The following WDTC1 variants were observed in gnomAD, a reference collection of about 807,000 sequenced individuals.
WDTC1 encodes the protein WD and tetratricopeptide repeats protein 1.
WDTC1 carries 12 observed loss-of-function variants against 76.0 expected under a neutral mutation model. The ratio of observed to expected loss-of-function variants is 0.16; its 90% CI spans 0.10 to 0.26. The LOEUF is 0.26. Among genes scored for constraint, WDTC1 ranks in the 10% least tolerant of loss-of-function variants. WDTC1 has a pLI of 1.00. For synonymous variants in WDTC1, 326 were observed against 350.8 expected, an observed-to-expected ratio of 0.93 and a Z score of 0.79; for missense variants, 511 against 908.8, an observed-to-expected ratio of 0.56 and a Z score of 5.63.
chr1:27,305,712 A>C lies in WDTC1; in HGVS notation c.1837-474A>C, dbSNP rs1370264770. Among the ~76,000 whole-genome samples, 1 of 151,982 alleles carries C rather than the reference A, an allele frequency of 6.6e-6. No homozygotes were observed. Among genetic ancestry groups the C allele is most frequent in the Non-Finnish European group, 1.5e-5 (1 of 67,976 alleles). On this transcript the variant is annotated intron_variant, in intron 15 of 15. Coordinates refer to ENST00000319394, the MANE Select transcript of WDTC1 (RefSeq NM_001276252.2). The surrounding 1 kb of genome is among the most constrained non-coding windows in gnomAD (Gnocchi z 4.6). The stretch of plus-strand genomic sequence containing the variant: ...TGCTTCCCTCTTCCCAGCTGGCAAA[A>C]CAAAAGTCAAGTGGTATGTCTGATT...
chr1:27,247,246 G>A (rs764180102), intron 1 of WDTC1, among the ~76,000 whole-genome samples: 12 of 151,776 alleles, frequency 7.9e-5, no homozygotes, highest in Non-Finnish European at 1.5e-4. Context: ...TAGTAGAGAC[G>A]AGGTTTTACC....
Position 27,301,192 on chromosome 1 carries a change from T to C in WDTC1, c.1233-34T>C, listed in dbSNP as rs2013824166. 3 of 1,602,956 alleles carry C rather than the reference T, an allele frequency of 1.9e-6. No individual in the cohort carries two copies. Among genetic ancestry groups the C allele is most frequent in the South Asian group, 2.2e-5 (2 of 90,824 alleles). On this transcript the variant is annotated intron_variant, in intron 12 of 15. Coordinates refer to ENST00000319394, the MANE Select transcript of WDTC1 (RefSeq NM_001276252.2). The surrounding 1 kb of genome is among the most constrained non-coding windows in gnomAD (Gnocchi z 5.8). ...GGGGACCCCTTGCTTGCCACGTGGC[T>C]CCACCTCCAAGCCGCTCTTCCCTGC...
intron 6 of WDTC1, among the ~76,000 whole-genome samples, chr1:27,291,592 G>T (rs372295658): frequency 1.3e-5 from 2 of 152,150 alleles, no homozygotes; most frequent in African/African-American, 4.8e-5. Flanking sequence ...GTTTGCTGCT[G>T]TTTGGTAGAC....
At chr1:27,257,064 A>G (rs780424882) in intron 1 of WDTC1, among the ~76,000 whole-genome samples, 8 of 151,952 alleles carry the variant, frequency 5.3e-5, no homozygotes, top group African/African-American at 1.5e-4. Context: ...GGGTTTCACC[A>G]TGTTAGCCAG....
chr1:27,276,425 G>A (rs1570964918), intron 3 of WDTC1, among the ~76,000 whole-genome samples: 1 of 152,210 alleles, frequency 6.6e-6, no homozygotes, highest in Admixed American at 6.5e-5. Flanking sequence ...GCCAGGCGCG[G>A]TGACTTATGC....
intron 5 of WDTC1, 23 bp downstream of exon 5, chr1:27,283,472 C>T: frequency 6.2e-7 from 1 of 1,606,236 alleles, no homozygotes; most frequent in Non-Finnish European, 8.5e-7. Context: ...AGCCACAGAG[C>T]AAGCACAAGC....
intron 1 of WDTC1, 138 bp from the exon 2 acceptor site, chr1:27,260,818 T>C (rs1331448968): frequency 8.7e-6 from 5 of 571,668 alleles, no homozygotes; most frequent in Non-Finnish European, 1.2e-5. Context: ...TTCAACACTA[T>C]GGAGCAGGGC....
intron 1 of WDTC1, among the ~76,000 whole-genome samples, chr1:27,237,099 G>A (rs2011505949): frequency 6.6e-6 from 1 of 152,122 alleles, no homozygotes; most frequent in South Asian, 2.1e-4. Flanking sequence ...GCCTCCCAGA[G>A]TGCTGGGATT....
At chr1:27,244,489 G>A (rs1373768865) in intron 1 of WDTC1, among the ~76,000 whole-genome samples, 1 of 152,088 alleles carries the variant, frequency 6.6e-6, no homozygotes, top group Non-Finnish European at 1.5e-5. Flanking sequence ...CTACAGGAGT[G>A]TGCCACCATG....
At chr1:27,256,464 CAA>C (rs2012284282) in intron 1 of WDTC1, among the ~76,000 whole-genome samples, 2 of 152,176 alleles carry the variant, frequency 1.3e-5, no homozygotes. Flanking sequence ...CCACTAGACT[CAA>C]AAGGGGAATT....
chr1:27,300,151 C>G (rs2013796074), intron 12 of WDTC1, among the ~76,000 whole-genome samples: 1 of 152,202 alleles, frequency 6.6e-6, no homozygotes, highest in Non-Finnish European at 1.5e-5. Context: ...GTTCCGAGGA[C>G]TGGGTGCTCC....
chr1:27,256,886 G>C (rs530637657), intron 1 of WDTC1, among the ~76,000 whole-genome samples: 1 of 151,876 alleles, frequency 6.6e-6, no homozygotes. Context: ...TTTTGAGATG[G>C]AGTCTCACTC....
At chr1:27,253,470 T>A (rs2012167285) in intron 1 of WDTC1, among the ~76,000 whole-genome samples, 1 of 133,168 alleles carries the variant, frequency 7.5e-6, no homozygotes, top group Non-Finnish European at 1.6e-5. Context: ...CTTCTTCCTC[T>A]TCCTCTTCTT....
chr1:27,265,660 A>AG (rs2012637892), intron 3 of WDTC1, among the ~76,000 whole-genome samples: 1 of 151,946 alleles, frequency 6.6e-6, no homozygotes, highest in African/African-American at 2.4e-5. Context: ...AAAAAAAAAA[A>AG]AATTGCTGGG....
chr1:27,238,302 A>G (rs1375209186), intron 1 of WDTC1, among the ~76,000 whole-genome samples: 1 of 152,194 alleles, frequency 6.6e-6, no homozygotes, highest in Admixed American at 6.6e-5. Flanking sequence ...GTCATGGGGA[A>G]AGGAAACTGG....
intron 3 of WDTC1, among the ~76,000 whole-genome samples, chr1:27,279,740 A>T (rs1327647953): frequency 1.3e-5 from 2 of 151,942 alleles, no homozygotes; most frequent in Admixed American, 6.6e-5. Context: ...CTAATTTTTT[A>T]AATTTTTGTA....
At position 27,234,970 on chromosome 1, in the gene WDTC1, C is replaced by T. The variant is rs1379053317; in HGVS notation, c.-100+19C>T. On this transcript the variant is annotated intron_variant, in intron 1 of 15. Transcript: ENST00000319394. ...CTGACAGGTACGGGTCACCGCCGCC[C>T]CCTGCCCTCCGCGGGCGCCGAGGCG... 2 of 387,326 alleles carry T rather than the reference C, an allele frequency of 5.2e-6. No homozygotes were observed. The highest frequency in any genetic ancestry group is 2.1e-5 in the African/African-American group (1 of 48,104). The allele number at this position is 387,326 out of a possible 1,614,324, so 24.0% of individuals were successfully genotyped here. A position where few individuals can be genotyped will look rare whatever the true frequency, so the allele number is the denominator to read the frequency against.
intron 12 of WDTC1, among the ~76,000 whole-genome samples, chr1:27,298,591 A>G (rs1397344993): frequency 6.6e-6 from 1 of 152,190 alleles, no homozygotes; most frequent in Non-Finnish European, 1.5e-5. Context: ...ACTGAGTACA[A>G]ACCATATCCC....
chr1:27,263,309 C>T (rs1570953137), intron 3 of WDTC1, 74 bp downstream of exon 3: 1 of 1,447,112 alleles, frequency 6.9e-7, no homozygotes. Flanking sequence ...TCCTCTTGGC[C>T]TTATCAAGGC....
Sources: allele counts gnomAD v4.1 joint callset (sites outside exome capture counted in the v4.1 genomes callset), GRCh38; gene constraint gnomAD v4.1.1; non-coding constraint Gnocchi (gnomAD v3.1); transcripts MANE v1.5; gene names NCBI Gene and HGNC (gene_info 2026-07-23, HGNC 2026-07-21).